Variants in JAZF1 observed in about 807,000 individuals in gnomAD.
JAZF1 encodes the protein JAZF zinc finger 1.
JAZF1 carries 8 observed loss-of-function variants against 26.4 expected under a neutral mutation model. The ratio of observed to expected loss-of-function variants is 0.30; its 90% CI spans 0.18 to 0.55. The LOEUF is 0.55. Ranked by LOEUF, JAZF1 falls within the 20% of genes least tolerant of loss-of-function variation. The probability of loss-of-function intolerance (pLI) is 0.94; values close to 1 mark genes in which losing one functional copy is unlikely to be tolerated. For missense variants in JAZF1, 199 were observed against 322.0 expected (o/e 0.62, Z 2.92); for synonymous variants, 126 against 122.3 (o/e 1.03, Z -0.20).
At chr7:27,876,014 C>T in intron 3 of JAZF1, among the ~76,000 whole-genome samples, 1 of 152,202 alleles carries the variant, frequency 6.6e-6, no homozygotes, top group South Asian at 2.1e-4. Flanking sequence ...ATCCAGGCAC[C>T]AAAACTTCCT....
At chr7:27,960,003 C>T (rs1785163020) in intron 2 of JAZF1, among the ~76,000 whole-genome samples, 1 of 152,060 alleles carries the variant, frequency 6.6e-6, no homozygotes, top group African/African-American at 2.4e-5. Context: ...ACTGTACCAA[C>T]GTACTGGGGG....
chr7:28,126,052 C>T (rs1782686697), intron 1 of JAZF1, among the ~76,000 whole-genome samples: 1 of 152,178 alleles, frequency 6.6e-6, no homozygotes, highest in Non-Finnish European at 1.5e-5. Context: ...CAGCTATACC[C>T]TGGCCTTATC....
intron 1 of JAZF1, among the ~76,000 whole-genome samples, chr7:28,048,569 T>G (rs1345499413): frequency 6.6e-6 from 1 of 152,240 alleles, no homozygotes; most frequent in African/African-American, 2.4e-5. Flanking sequence ...CTCTGAGAAC[T>G]GCTTTGGCCA....
At chr7:27,999,225 T>C (rs1305121436) in intron 1 of JAZF1, among the ~76,000 whole-genome samples, 1 of 152,174 alleles carries the variant, frequency 6.6e-6, no homozygotes, top group Non-Finnish European at 1.5e-5. Flanking sequence ...AGGCCAAAAC[T>C]TGGTCCCATT....
At chr7:28,016,463 C>A (rs1172183176) in intron 1 of JAZF1, among the ~76,000 whole-genome samples, 1 of 152,216 alleles carries the variant, frequency 6.6e-6, no homozygotes, top group Non-Finnish European at 1.5e-5. Flanking sequence ...TGTTTTAATG[C>A]CAACACCAAG....
chr7:27,837,316 T>A (rs1054924138), intron 4 of JAZF1, among the ~76,000 whole-genome samples: 6 of 152,222 alleles, frequency 3.9e-5, no homozygotes, highest in African/African-American at 1.4e-4. Context: ...CAGGCGAGCA[T>A]GAGCAGGGCA....
chr7:28,170,335 A>ATGTGTGTGTGTG (rs1783436475), intron 1 of JAZF1, among the ~76,000 whole-genome samples: 2 of 140,082 alleles, frequency 1.4e-5, no homozygotes, highest in African/African-American at 2.7e-5. Context: ...AGAGAAGTTG[A>ATGTGTGTGTGTG]TATGTGTGTG....
At chr7:28,056,475 C>CACACACACACACACACACAA (rs71555731) in intron 1 of JAZF1, among the ~76,000 whole-genome samples, 1 of 119,916 alleles carries the variant, frequency 8.3e-6, no homozygotes, top group Non-Finnish European at 1.8e-5. Flanking sequence ...CACACACACA[C>CACACACACACACACACACAA]AATAAGAAAG....
In JAZF1 at chr7:27,982,312, A is replaced by T. The variant is rs545127028; in HGVS notation, c.188+9597T>A. Reference sequence around the variant, plus strand: ...CACACCAGGAGATTATATCCCGCGCATGGCTCAGAGGGTCCCACGCCCATG... The same window carrying T: ...CACACCAGGAGATTATATCCCGCGCTTGGCTCAGAGGGTCCCACGCCCATG... On this transcript the variant is annotated intron_variant, in intron 2 of 4. Transcript: ENST00000283928. 2.3e-4 allele frequency among the ~76,000 whole-genome samples: 23 copies of T among 97,894 alleles called. 1 individual carries two copies. In the South Asian group the frequency reaches 4.0e-3, roughly 17 times the overall value. The allele number at this position is 97,894 out of a possible 152,430, so 64.2% of individuals were successfully genotyped here.
At chr7:28,043,843 A>G (rs1783447636) in intron 1 of JAZF1, among the ~76,000 whole-genome samples, 1 of 152,216 alleles carries the variant, frequency 6.6e-6, no homozygotes, top group Non-Finnish European at 1.5e-5. Context: ...ATATGGATGA[A>G]CCTTGAAAAC....
chr7:27,976,218 C>G (rs1026610317), intron 2 of JAZF1, among the ~76,000 whole-genome samples: 1 of 151,812 alleles, frequency 6.6e-6, no homozygotes, highest in Non-Finnish European at 1.5e-5. Flanking sequence ...TGGTTGTGTG[C>G]GCCTGTAGTC....
chr7:27,979,366 ATTTTTTTTTT>A (rs55737757), intron 2 of JAZF1, among the ~76,000 whole-genome samples: 25 of 58,424 alleles, frequency 4.3e-4, no homozygotes, highest in South Asian at 4.2e-3. Flanking sequence ...GGTACACTAC[ATTTTTTTTTT>A]TTTTTTTTTT....
chr7:27,897,156 G>A (rs1255845352), intron 2 of JAZF1, among the ~76,000 whole-genome samples: 1 of 152,084 alleles, frequency 6.6e-6, no homozygotes, highest in Non-Finnish European at 1.5e-5. Context: ...TATGCAGTGC[G>A]CCAGGGAGTG....
intron 2 of JAZF1, among the ~76,000 whole-genome samples, chr7:27,982,534 G>A (rs1187270106): frequency 6.6e-6 from 1 of 152,246 alleles, no homozygotes; most frequent in Non-Finnish European, 1.5e-5. Context: ...ACAGGGCATA[G>A]CTGAATAAAA....
chr7:27,961,992 T>A (rs77333528), intron 2 of JAZF1, among the ~76,000 whole-genome samples: 1 of 152,162 alleles, frequency 6.6e-6, no homozygotes, highest in African/African-American at 2.4e-5. Context: ...AGTAACCTTT[T>A]TGAGCTCTGT....
intron 2 of JAZF1, among the ~76,000 whole-genome samples, chr7:27,987,828 T>C (rs1298207768): frequency 6.6e-6 from 1 of 152,250 alleles, no homozygotes; most frequent in Non-Finnish European, 1.5e-5. Flanking sequence ...GGAGACTCCA[T>C]TTTGTTCTGT....
At chr7:28,156,354 G>A (rs1783185466) in intron 1 of JAZF1, among the ~76,000 whole-genome samples, 1 of 152,342 alleles carries the variant, frequency 6.6e-6, no homozygotes, top group East Asian at 1.9e-4. Flanking sequence ...GAGTCACTTC[G>A]TGGCTTTGGC....
chr7:28,051,131 C>T (rs1365280947), intron 1 of JAZF1, among the ~76,000 whole-genome samples: 5 of 96,564 alleles, frequency 5.2e-5, no homozygotes, highest in African/African-American at 8.1e-5. Flanking sequence ...GACTCCATCT[C>T]AAAAAAAAAA....
At chr7:27,858,135 C>T (rs1351650456) in intron 3 of JAZF1, among the ~76,000 whole-genome samples, 1 of 152,138 alleles carries the variant, frequency 6.6e-6, no homozygotes, top group East Asian at 1.9e-4. Context: ...CTCACAATTG[C>T]TACTAAGATA....
Sources: gnomAD v4.1 joint callset for allele counts (sites outside exome capture counted in the v4.1 genomes callset) on GRCh38, gnomAD v4.1.1 for gene constraint, MANE v1.5 for transcripts, NCBI Gene and HGNC (gene_info 2026-07-23, HGNC 2026-07-21) for gene names.